Variants in APC2 observed in about 807,000 individuals in gnomAD.
APC2 encodes APC regulator of Wnt signaling pathway 2.
In APC2, 41 loss-of-function variants were observed where a neutral mutation model predicts 72.5. The ratio of observed to expected loss-of-function variants is 0.57; its 90% confidence interval spans 0.44 to 0.73. APC2 has a LOEUF of 0.73. Ranked by LOEUF, APC2 falls within the 30% of genes least tolerant of loss-of-function variation. APC2 has a pLI of 0.00. For missense variants in APC2, 3,729 were observed against 3,403.4 expected, an observed-to-expected ratio of 1.10 and a Z score of -2.38; for synonymous variants, 1,898 against 1,612.0, an observed-to-expected ratio of 1.18 and a Z score of -4.25.
In APC2 at chr19:1,469,573, CCCGG is replaced by C; in HGVS notation, c.6277_6280del (p.Pro2093ArgfsTer241). ...CGCCTGCCTGTGCGCGCGCCCGCCG[CCCGG>C]CCGGAGACTGTCAAGCGCTACGCGT... On this transcript the variant is annotated frameshift_variant, in exon 15 of 15. Coordinates refer to ENST00000590469, the MANE Select transcript of APC2 (RefSeq NM_005883.3). LOFTEE classifies it low-confidence loss of function (END_TRUNC). 1 of 1,249,178 alleles carries C rather than the reference CCCGG, an allele frequency of 8.0e-7. No individual in the cohort carries two copies. Among genetic ancestry groups the C allele is most frequent in the Non-Finnish European group, 1.0e-6 (1 of 982,746 alleles). 77.4% of individuals were successfully genotyped at this position (1,249,178 alleles called of 1,614,324 possible). A position where few individuals can be genotyped will look rare whatever the true frequency, so the allele number is the denominator to read the frequency against.
rs748793450 is a variant in APC2 at position 1,466,232 on chromosome 19, G to A, written c.2931G>A (p.Glu977=). 2.1e-5 allele frequency: 33 copies of A among 1,538,012 alleles called. No homozygotes were observed. Among genetic ancestry groups the A allele is most frequent in the Non-Finnish European group, 2.8e-5 (32 of 1,149,294 alleles). Residue 977 remains glutamate, a synonymous_variant, in exon 15 of 15, where the codon GAG becomes GAA. Transcript: ENST00000590469. ...TTGACCTGCCCGGCTGCCAGGCCGA[G>A]CCCCCGGCCCGCGAGGCCACCTCCG... ...LDLDLPGCQA[E]PPAREATSAD...
In APC2 at chr19:1,465,393, C is replaced by A. The variant is rs555101892; in HGVS notation, c.2092C>A (p.Arg698=). The change falls in exon 15 of 15, where the codon CGG becomes AGG. Residue 698 remains arginine (R), a synonymous_variant. Coordinates refer to ENST00000590469, the MANE Select transcript of APC2 (RefSeq NM_005883.3). Reference sequence around the variant, plus strand: ...CGCCCTGCGCAACCTGCTGGCCCATCGGCCCGCCAAGCACCAGGCGGCCGC... The same window carrying A: ...CGCCCTGCGCAACCTGCTGGCCCATAGGCCCGCCAAGCACCAGGCGGCCGC... ...AAALRNLLAH[R]PAKHQAAATA... 2 of 1,567,262 alleles carry A rather than the reference C, an allele frequency of 1.3e-6. No homozygotes were observed. Among genetic ancestry groups the A allele is most frequent in the Non-Finnish European group, 1.7e-6 (2 of 1,164,408 alleles).
intron 9 of APC2, 45 bp downstream of exon 9, chr19:1,457,288 A>T (rs775044392): frequency 6.8e-7 from 1 of 1,472,466 alleles, no homozygotes; most frequent in South Asian, 1.3e-5. Context: ...ATTAACGTGC[A>T]GCTAGGGCTT....
In APC2 at chr19:1,466,589, C is replaced by CCTGGAGGGG; in HGVS notation, c.3296_3304dup (p.Gly1099_Glu1101dup). On this transcript the variant is annotated inframe_insertion, in exon 15 of 15. Coordinates refer to ENST00000590469, the MANE Select transcript of APC2 (RefSeq NM_005883.3). ...GTGACCTGGATGACAGTGACTCCTC[C>CCTGGAGGGG]CTGGAGGGGCTGGAGGAGGCCGGCC... 6.4e-7 allele frequency: 1 copy of CCTGGAGGGG among 1,565,980 alleles called. No homozygotes were observed. Among genetic ancestry groups the CCTGGAGGGG allele is most frequent in the African/African-American group, 1.3e-5 (1 of 74,402 alleles).
intron 10 of APC2, 181 bp downstream of exon 10, chr19:1,458,241 C>T: frequency 1.6e-6 from 1 of 627,960 alleles, no homozygotes; most frequent in Non-Finnish European, 2.8e-6. Flanking sequence ...ACCCTGGGCC[C>T]TCTGTCCCCA....
intron 4 of APC2, 22 bp from the exon 5 acceptor site, chr19:1,455,127 C>T (rs931787714): frequency 3.3e-6 from 5 of 1,519,670 alleles, no homozygotes; most frequent in Non-Finnish European, 4.4e-6. Context: ...TCTGAGCCCG[C>T]CCCCGCTGAC....
intron 10 of APC2, 126 bp downstream of exon 10, chr19:1,458,186 A>C: frequency 1.2e-6 from 1 of 850,260 alleles, no homozygotes; most frequent in African/African-American, 1.7e-5. Context: ...CCGGAGAGGG[A>C]CAGACTCCCT....
chr19:1,455,517 G>A lies in APC2; in HGVS notation c.639+17G>A. Reference sequence around the variant, plus strand: ...CGGGCACAGGTGCGGCGGTGGGCGGGGTGGCGCGGCGGTAGGCGGGGCCCT... The same window carrying A: ...CGGGCACAGGTGCGGCGGTGGGCGGAGTGGCGCGGCGGTAGGCGGGGCCCT... On this transcript the variant is annotated intron_variant, in intron 6 of 14. Transcript: ENST00000590469. The A allele has an allele frequency of 6.3e-7, 1 of 1,591,950 alleles. No individual in the cohort carries two copies. The highest frequency in any genetic ancestry group is 8.6e-7 in the Non-Finnish European group (1 of 1,168,482).
At chr19:1,450,010 G>A (rs894248697), upstream of APC2, 3 of 617,166 alleles carry the variant, frequency 4.9e-6, no homozygotes, top group Non-Finnish European at 6.1e-6. Context: ...CGCGGCCGAC[G>A]CCGGTCCCCG....
At position 1,458,162 on chromosome 19, in the gene APC2, C is replaced by G; in HGVS notation, c.1303+102C>G. 1.8e-6 allele frequency: 2 copies of G among 1,133,604 alleles called. No homozygotes were observed. The highest frequency in any genetic ancestry group is 1.4e-5 in the South Asian group (1 of 73,116). The allele number at this position is 1,133,604 out of a possible 1,614,324, so 70.2% of individuals were successfully genotyped here. ...ACAGGCTGGGTCATCTGAGCTTGGG[C>G]TGGGGATTGGAGCCCGGAGAGGGAC... On this transcript the variant is annotated intron_variant, in intron 10 of 14. Coordinates refer to ENST00000590469, the MANE Select transcript of APC2 (RefSeq NM_005883.3).
intron 9 of APC2, 127 bp from the exon 10 acceptor site, chr19:1,457,838 A>G (rs1342409711): frequency 1.3e-6 from 1 of 769,902 alleles, no homozygotes; most frequent in African/African-American, 1.9e-5. Context: ...GGAAGTCCCA[A>G]CTTTGCAGCC....
chr19:1,461,949 C>T lies in APC2; in HGVS notation c.1639-14C>T, dbSNP rs772865100. On this transcript the variant is annotated splice_polypyrimidine_tract_variant and intron_variant, in intron 13 of 14. Coordinates refer to ENST00000590469, the MANE Select transcript of APC2 (RefSeq NM_005883.3). ...CTCAGGCCCTGACCCGCCCCTCTCCCGCCCCTCGTCCAGGAGTCCACCCTG... is the reference window on the plus strand; with the variant it reads ...CTCAGGCCCTGACCCGCCCCTCTCCTGCCCCTCGTCCAGGAGTCCACCCTG... 81 of 1,597,288 alleles carry T rather than the reference C, an allele frequency of 5.1e-5. No homozygotes were observed. Among genetic ancestry groups the T allele is most frequent in the African/African-American group, 1.6e-4 (12 of 74,652 alleles).
rs767970432 is a variant in APC2 at position 1,467,766 on chromosome 19, G to A, written c.4465G>A (p.Gly1489Arg). 7.0e-7 allele frequency: 1 copy of A among 1,428,556 alleles called. No individual in the cohort carries two copies. The highest frequency in any genetic ancestry group is 9.1e-7 in the Non-Finnish European group (1 of 1,097,130). The allele number at this position is 1,428,556 out of a possible 1,614,324, so 88.5% of individuals were successfully genotyped here. ...KDGSKPGRTR[G>R]DGALQSLCLT... ...CGGCTCAAAGCCCGGCCGGACCCGCGGGGACGGGGCGCTCCAGTCGCTGTG... is the reference window on the plus strand; with the variant it reads ...CGGCTCAAAGCCCGGCCGGACCCGCAGGGACGGGGCGCTCCAGTCGCTGTG... The change falls in exon 15 of 15, where the codon GGG becomes AGG. Residue 1489 changes from glycine (G) to arginine (R), a missense_variant. Transcript: ENST00000590469.
Position 1,468,250 on chromosome 19 carries a change from G to T in APC2, c.4949G>T (p.Arg1650Leu). The change falls in exon 15 of 15, where the codon CGC becomes CTC. Residue 1650 changes from arginine to leucine, a missense_variant. Arg to Leu is a moderately radical substitution (Grantham distance 102). Transcript: ENST00000590469. ...CCCCCCGTGTCTGGCCTGCGGCGCC[G>T]CAAGCCCCGAGCCACCCGGCTGGAT... is the stretch of plus-strand genomic sequence containing the variant. Reference protein sequence around the residue: ...RRPPVSGLRRRKPRATRLDER... With the variant: ...RRPPVSGLRRLKPRATRLDER... 6.6e-7 allele frequency: 1 copy of T among 1,512,370 alleles called. No individual in the cohort carries two copies. The allele number at this position is 1,512,370 out of a possible 1,614,324, so 93.7% of individuals were successfully genotyped here. A position where few individuals can be genotyped will look rare whatever the true frequency, so the allele number is the denominator to read the frequency against.
intron 10 of APC2, among the ~76,000 whole-genome samples, chr19:1,459,172 G>A (rs944899199): frequency 6.6e-6 from 1 of 152,122 alleles, no homozygotes; most frequent in Non-Finnish European, 1.5e-5. Flanking sequence ...ACATCCTCAA[G>A]GTGCACCTAC....
Position 1,465,191 on chromosome 19 carries a change from G to T in APC2, c.1890G>T (p.Leu630=). 6.2e-7 allele frequency: 1 copy of T among 1,607,626 alleles called. No individual in the cohort carries two copies. The highest frequency in any genetic ancestry group is 1.1e-5 in the South Asian group (1 of 90,136). ...VLRDHNCLQT[L]LQHLTSHSLT... ...GGGATCACAACTGTCTGCAGACGCT[G>T]CTGCAGCATCTGACTTCGCACAGCC... Residue 630 remains leucine, a synonymous_variant, in exon 15 of 15, where the codon CTG becomes CTT. Transcript: ENST00000590469.
rs1426236680 is a variant in APC2 at position 1,470,508 on chromosome 19, C to A, written c.*295C>A. On this transcript the variant is annotated 3_prime_UTR_variant, in exon 15 of 15. Transcript: ENST00000590469. Reference sequence around the variant, plus strand: ...CCAGCCCTGAGCGCGCGGCCCTTCCCCTGTCGGAAGCCGTTGCTTGACCCC... The same window carrying A: ...CCAGCCCTGAGCGCGCGGCCCTTCCACTGTCGGAAGCCGTTGCTTGACCCC... The A allele has an allele frequency of 5.4e-6, 2 of 368,054 alleles. No individual in the cohort carries two copies. Among genetic ancestry groups the A allele is most frequent in the African/African-American group, 2.1e-5 (1 of 47,102 alleles). The allele number at this position is 368,054 out of a possible 1,614,324, so 22.8% of individuals were successfully genotyped here. A position where few individuals can be genotyped will look rare whatever the true frequency, so the allele number is the denominator to read the frequency against.
upstream of APC2, chr19:1,446,457 G>A (rs1312440283): frequency 2.2e-5 from 17 of 781,538 alleles, no homozygotes; most frequent in Non-Finnish European, 2.6e-5. The surrounding 1 kb of genome is among the most constrained non-coding windows in gnomAD (Gnocchi z 6.1). Context: ...GCGAGCGCGC[G>A]GAGGCTGCAG....
At chr19:1,447,412 G>T (rs1008742766), upstream of APC2, among the ~76,000 whole-genome samples, 1 of 152,202 alleles carries the variant, frequency 6.6e-6, no homozygotes, top group African/African-American at 2.4e-5. Context: ...GGACAGGGGT[G>T]GGGGAGTGAG....
Sources: gnomAD v4.1 joint callset for allele counts (sites outside exome capture counted in the v4.1 genomes callset) on GRCh38, gnomAD v4.1.1 for gene constraint, Gnocchi (gnomAD v3.1) non-coding constraint, MANE v1.5 for transcripts, NCBI Gene and HGNC (gene_info 2026-07-23, HGNC 2026-07-21) for gene names.